SORCS1: variants seen among roughly 807,000 people sequenced by gnomAD.
SORCS1 encodes sortilin related VPS10 domain containing receptor 1, also known as VPS10 domain-containing receptor SorCS1.
In SORCS1, 60 loss-of-function variants were observed where a neutral mutation model predicts 146.1. That is an observed-to-expected ratio of 0.41 (90% confidence interval 0.33 to 0.51). The LOEUF (loss-of-function observed/expected upper bound fraction) is 0.51, where lower values mean the gene tolerates loss of function less well. Among genes scored for constraint, SORCS1 ranks in the 20% least tolerant of loss-of-function variants. The pLI, the probability that SORCS1 is intolerant of heterozygous loss-of-function variation, is 0.21. For missense variants in SORCS1, 1,352 were observed against 1,487.6 expected (o/e 0.91, Z 1.50); for synonymous variants, 637 against 584.0 (o/e 1.09, Z -1.31).
At chr10:106,709,740 G>A (rs942689102) in intron 6 of SORCS1, among the ~76,000 whole-genome samples, 3 of 151,934 alleles carry the variant, frequency 2.0e-5, no homozygotes, top group Non-Finnish European at 2.9e-5. Context: ...GAGCCACCGC[G>A]CCCAGCCACC....
At chr10:107,067,021 G>A (rs906878055) in intron 1 of SORCS1, among the ~76,000 whole-genome samples, 1 of 152,208 alleles carries the variant, frequency 6.6e-6, no homozygotes, top group Non-Finnish European at 1.5e-5. Context: ...GGGAATGTGG[G>A]AGGGGTACAG....
At chr10:106,832,563 T>C (rs1564711109) in intron 2 of SORCS1, among the ~76,000 whole-genome samples, 3 of 152,158 alleles carry the variant, frequency 2.0e-5, no homozygotes, top group South Asian at 4.1e-4. Flanking sequence ...CTCTTTCTTG[T>C]GTGTCTCCCG....
chr10:106,820,096 C>A (rs1947938211), intron 3 of SORCS1, among the ~76,000 whole-genome samples: 1 of 152,036 alleles, frequency 6.6e-6, no homozygotes, highest in Non-Finnish European at 1.5e-5. Flanking sequence ...TTTTACATAT[C>A]TTTTGTTTTT....
At chr10:106,942,357 C>T (rs1954087041) in intron 2 of SORCS1, among the ~76,000 whole-genome samples, 1 of 152,190 alleles carries the variant, frequency 6.6e-6, no homozygotes, top group Non-Finnish European at 1.5e-5. Flanking sequence ...ACTCAAGCCC[C>T]TCAGTTCCCC....
chr10:107,083,110 C>CAAAAAAAA (rs538577059), intron 1 of SORCS1, among the ~76,000 whole-genome samples: 23 of 60,446 alleles, frequency 3.8e-4, no homozygotes, highest in East Asian at 7.0e-4. Flanking sequence ...CTCCAACTCA[C>CAAAAAAAA]AAAAAAAAAA....
intron 2 of SORCS1, among the ~76,000 whole-genome samples, chr10:106,840,541 G>A (rs1564720477): frequency 6.6e-6 from 1 of 152,110 alleles, no homozygotes; most frequent in African/African-American, 2.4e-5. Flanking sequence ...TGACAGCAAA[G>A]AATTTAGAAT....
At chr10:106,704,686 T>A (rs1456413313) in intron 8 of SORCS1, among the ~76,000 whole-genome samples, 1 of 152,098 alleles carries the variant, frequency 6.6e-6, no homozygotes, top group African/African-American at 2.4e-5. Context: ...CGAGATTGTG[T>A]CTCAAAAACA....
intron 8 of SORCS1, among the ~76,000 whole-genome samples, chr10:106,700,019 AC>A: frequency 1.3e-5 from 2 of 152,322 alleles, no homozygotes; most frequent in South Asian, 4.1e-4. Flanking sequence ...GAAAACATTC[AC>A]CAGAGAAACC....
chr10:106,712,815 A>G (rs1308398409), intron 6 of SORCS1, among the ~76,000 whole-genome samples: 2 of 152,200 alleles, frequency 1.3e-5, no homozygotes, highest in African/African-American at 4.8e-5. Flanking sequence ...TTGGCGAGCT[A>G]CTGAACACCC....
At chr10:106,759,790 T>C (rs976205264) in intron 5 of SORCS1, among the ~76,000 whole-genome samples, 3 of 152,186 alleles carry the variant, frequency 2.0e-5, no homozygotes, top group Non-Finnish European at 4.4e-5. Context: ...CATACACAGA[T>C]TCCCGCTAAC....
chr10:107,093,383 C>A (rs772645006), intron 1 of SORCS1, among the ~76,000 whole-genome samples: 1 of 152,072 alleles, frequency 6.6e-6, no homozygotes, highest in African/African-American at 2.4e-5. Flanking sequence ...ACTTACAAAG[C>A]GAGTCTTTCG....
At chr10:106,669,509 C>T (rs527613551) in intron 16 of SORCS1, among the ~76,000 whole-genome samples, 3 of 152,302 alleles carry the variant, frequency 2.0e-5, no homozygotes, top group Admixed American at 1.3e-4. Context: ...AACGAAGAAG[C>T]AGCAGTGGCT....
chr10:107,152,134 G>T (rs757330050), intron 1 of SORCS1, among the ~76,000 whole-genome samples: 1 of 152,214 alleles, frequency 6.6e-6, no homozygotes, highest in Non-Finnish European at 1.5e-5. Flanking sequence ...GCTTCAGAGA[G>T]TGCAAACCCT....
chr10:106,673,131 G>C (rs1229100930), intron 14 of SORCS1, 146 bp from the exon 15 acceptor site: 3 of 568,966 alleles, frequency 5.3e-6, no homozygotes, highest in East Asian at 3.2e-5. Context: ...TTCATGAAGA[G>C]GGTACTTTTT....
intron 10 of SORCS1, among the ~76,000 whole-genome samples, chr10:106,680,211 C>T (rs903676993): frequency 5.9e-5 from 9 of 151,902 alleles, no homozygotes; most frequent in Non-Finnish European, 1.0e-4. Context: ...ATGTTCAAGA[C>T]GTTAAAGAAT....
At chr10:107,132,290 T>TTC (rs59082360) in intron 1 of SORCS1, among the ~76,000 whole-genome samples, 38,288 of 152,022 alleles carry the variant, frequency 0.25, 5,875 homozygotes, top group African/African-American at 0.43. Context: ...TTTCACATTT[T>TTC]TCCTATCCAA....
intron 1 of SORCS1, among the ~76,000 whole-genome samples, chr10:106,987,889 T>C (rs1296831973): frequency 4.6e-5 from 7 of 152,180 alleles, no homozygotes; most frequent in Admixed American, 1.3e-4. Context: ...TGTTCACTTA[T>C]GTCCTAGGAA....
intron 17 of SORCS1, among the ~76,000 whole-genome samples, chr10:106,656,096 T>C (rs1043258154): frequency 1.3e-5 from 2 of 152,224 alleles, no homozygotes; most frequent in Non-Finnish European, 2.9e-5. Context: ...GTGCCTTTGA[T>C]ATTACCGATG....
At chr10:106,718,245 G>T (rs1007398309) in intron 6 of SORCS1, among the ~76,000 whole-genome samples, 2 of 152,180 alleles carry the variant, frequency 1.3e-5, no homozygotes, top group African/African-American at 4.8e-5. Flanking sequence ...TAGTTTAGTT[G>T]GGTAAAGACA....
Sources: gnomAD v4.1 joint callset for allele counts (sites outside exome capture counted in the v4.1 genomes callset) on GRCh38, gnomAD v4.1.1 for gene constraint, MANE v1.5 for transcripts, NCBI Gene and HGNC (gene_info 2026-07-23, HGNC 2026-07-21) for gene names.